Variants in SLC38A10 observed in about 807,000 individuals in gnomAD.
SLC38A10 encodes the protein solute carrier family 38 member 10.
In SLC38A10, 53 loss-of-function variants were observed where a neutral mutation model predicts 81.0. The ratio of observed to expected loss-of-function variants is 0.65; its 90% CI spans 0.53 to 0.82. The LOEUF is 0.82. Among genes scored for constraint, SLC38A10 ranks in the 40% least tolerant of loss-of-function variants. SLC38A10 has a pLI of 0.00. For missense variants in SLC38A10, 1,471 were observed against 1,545.0 expected (o/e 0.95, Z 0.80); for synonymous variants, 665 against 655.3 (o/e 1.01, Z -0.23).
At chr17:81,267,226 C>T (rs1329815477) in intron 10 of SLC38A10, among the ~76,000 whole-genome samples, 1 of 152,090 alleles carries the variant, frequency 6.6e-6, no homozygotes, top group East Asian at 1.9e-4. Flanking sequence ...TCATGTCTGA[C>T]GACTAGGGAA....
Position 81,246,524 on chromosome 17 carries a change from G to C in SLC38A10, c.2392C>G (p.Leu798Val). ...PGGRPAPSQD[L>V]NQRSLEHSEG... ...GAGTGCTCCAGGGAGCGCTGGTTAA[G>C]GTCCTGGGATGGAGCAGGGCGGCCC... Residue 798 changes from leucine (L) to valine (V), a missense_variant, in exon 16 of 16, where the codon CTT (leucine) becomes GTT (valine). Leu to Val is a conservative substitution (Grantham distance 32, BLOSUM62 1). This residue lies in a region of SLC38A10 where 751 missense variants were observed against 717.4 expected (regional missense o/e 1.05). Coordinates refer to ENST00000374759, the MANE Select transcript of SLC38A10 (RefSeq NM_001037984.3). 1 of 1,525,016 alleles carries C rather than the reference G, an allele frequency of 6.6e-7. No individual in the cohort carries two copies. Among genetic ancestry groups the C allele is most frequent in the Non-Finnish European group, 8.8e-7 (1 of 1,138,304 alleles). The allele number at this position is 1,525,016 out of a possible 1,614,324, so 94.5% of individuals were successfully genotyped here.
intron 11 of SLC38A10, among the ~76,000 whole-genome samples, chr17:81,258,842 G>A (rs570712044): frequency 3.3e-5 from 5 of 152,312 alleles, no homozygotes; most frequent in African/African-American, 7.2e-5. Context: ...CAGCTCCACC[G>A]GCTGCTTCGG....
At chr17:81,248,590 G>T (rs371885091) in intron 14 of SLC38A10, among the ~76,000 whole-genome samples, 15 of 152,402 alleles carry the variant, frequency 9.8e-5, no homozygotes, top group African/African-American at 3.6e-4. Context: ...AAAAATGATG[G>T]GTTAGGGCTG....
chr17:81,250,418 G>A (rs763197331), intron 14 of SLC38A10, among the ~76,000 whole-genome samples: 3 of 152,262 alleles, frequency 2.0e-5, no homozygotes, highest in African/African-American at 4.8e-5. Flanking sequence ...CCCTCGGACC[G>A]GCTGTCCTGA....
At chr17:81,280,861 C>G (rs1021339852) in intron 5 of SLC38A10, 128 bp from the exon 6 acceptor site, 23 of 1,356,534 alleles carry the variant, frequency 1.7e-5, no homozygotes, top group Non-Finnish European at 2.1e-5. Flanking sequence ...TCCCAGCCCC[C>G]CACCACCCTG....
chr17:81,278,387 A>G (rs1255237694), intron 6 of SLC38A10, among the ~76,000 whole-genome samples: 1 of 152,034 alleles, frequency 6.6e-6, no homozygotes, highest in East Asian at 1.9e-4. Context: ...CCATCTCCAA[A>G]AAAAAGAAAA....
In SLC38A10 at chr17:81,286,262, C is replaced by T. The variant is rs2063266195; in HGVS notation, c.218-1367G>A. On this transcript the variant is annotated intron_variant, in intron 2 of 15. Transcript: ENST00000374759. This position sits in a 1 kb window ranked among gnomAD's most constrained non-coding sequence, Gnocchi z 6.0. Reference sequence around the variant, plus strand: ...GAAGCTGAGTCTCTACAGCATATTCCAAACACGAGCGCACCTTGCCCAAGA... The same window carrying T: ...GAAGCTGAGTCTCTACAGCATATTCTAAACACGAGCGCACCTTGCCCAAGA... Among the ~76,000 whole-genome samples the T allele has an allele frequency of 6.6e-6, 1 of 152,218 alleles. No individual in the cohort carries two copies. Among genetic ancestry groups the T allele is most frequent in the Admixed American group, 6.5e-5 (1 of 15,286 alleles).
chr17:81,245,260 T>G lies in SLC38A10; in HGVS notation c.*296A>C, dbSNP rs1598372512. The stretch of plus-strand genomic sequence containing the variant: ...CAGCTCCCCAGCCTGAGCCTGGGAG[T>G]GCACCAGCCAGCTCGCAGCGGAGGC... On this transcript the variant is annotated 3_prime_UTR_variant, in exon 16 of 16. Transcript: ENST00000374759. 5.9e-6 allele frequency: 2 copies of G among 336,136 alleles called. No homozygotes were observed. The highest frequency in any genetic ancestry group is 6.3e-5 in the South Asian group (1 of 15,908). The allele number at this position is 336,136 out of a possible 1,614,324, so 20.8% of individuals were successfully genotyped here. A position where few individuals can be genotyped will look rare whatever the true frequency, so the allele number is the denominator to read the frequency against.
intron 6 of SLC38A10, among the ~76,000 whole-genome samples, chr17:81,279,293 A>G (rs1467936576): frequency 6.6e-6 from 1 of 152,250 alleles, no homozygotes; most frequent in Non-Finnish European, 1.5e-5. Flanking sequence ...AAACGGCCAG[A>G]TAGTGAAGGC....
chr17:81,251,470 C>A (rs775997162), intron 14 of SLC38A10, 23 bp downstream of exon 14: 20 of 1,606,286 alleles, frequency 1.2e-5, no homozygotes, highest in Non-Finnish European at 1.7e-5. Context: ...CTGAGGCAGG[C>A]GGCTGTAGGG....
Position 81,245,492 on chromosome 17 carries a change from T to C in SLC38A10, c.*64A>G. The C allele has an allele frequency of 1.3e-6, 2 of 1,518,778 alleles. No individual in the cohort carries two copies. Among genetic ancestry groups the C allele is most frequent in the Admixed American group, 4.1e-5 (2 of 48,414 alleles). 94.1% of individuals were successfully genotyped at this position (1,518,778 alleles called of 1,614,324 possible). A position where few individuals can be genotyped will look rare whatever the true frequency, so the allele number is the denominator to read the frequency against. The stretch of plus-strand genomic sequence containing the variant: ...CTCCAGAGTTTGGCTGGGATGCGGC[T>C]GAGACAGACCTGCTGCTGGCCGAGG... On this transcript the variant is annotated 3_prime_UTR_variant, in exon 16 of 16. Coordinates refer to ENST00000374759, the MANE Select transcript of SLC38A10 (RefSeq NM_001037984.3).
At position 81,276,237 on chromosome 17, in the gene SLC38A10, C is replaced by T; in HGVS notation, c.730-86G>A. 2 of 1,284,506 alleles carry T rather than the reference C, an allele frequency of 1.6e-6. No individual in the cohort carries two copies. Among genetic ancestry groups the T allele is most frequent in the Non-Finnish European group, 2.1e-6 (2 of 950,884 alleles). The allele number at this position is 1,284,506 out of a possible 1,614,324, so 79.6% of individuals were successfully genotyped here. A position where few individuals can be genotyped will look rare whatever the true frequency, so the allele number is the denominator to read the frequency against. On this transcript the variant is annotated intron_variant, in intron 7 of 15. Transcript: ENST00000374759. The surrounding 1 kb of genome is among the most constrained non-coding windows in gnomAD (Gnocchi z 4.7). Reference sequence around the variant, plus strand: ...CACAGTGGGCAGGGCATGGGGGGGACCTGTGCCCTGCCCCCCAGAATGGCC... The same window carrying T: ...CACAGTGGGCAGGGCATGGGGGGGATCTGTGCCCTGCCCCCCAGAATGGCC...
intron 14 of SLC38A10, chr17:81,247,331 G>A (rs1299053524): frequency 1.1e-5 from 4 of 348,410 alleles, no homozygotes; most frequent in East Asian, 8.9e-5. Context: ...CAGCCACTGT[G>A]CCGCATCAGT....
chr17:81,249,530 G>A (rs1324925346), intron 14 of SLC38A10, among the ~76,000 whole-genome samples: 1 of 37,506 alleles, frequency 2.7e-5, no homozygotes, highest in Non-Finnish European at 5.5e-5. Flanking sequence ...GAGGGAGGAA[G>A]GAAGAGGAAG....
In SLC38A10 at chr17:81,276,067, T is replaced by A. The variant is rs1039853112; in HGVS notation, c.814A>T (p.Met272Leu). The A allele has an allele frequency of 6.2e-7, 1 of 1,613,922 alleles. No individual in the cohort carries two copies. The highest frequency in any genetic ancestry group is 1.7e-5 in the Admixed American group (1 of 60,028). Residue 272 changes from methionine to leucine, a missense_variant, in exon 8 of 16, where the codon ATG becomes TTG. Coordinates refer to ENST00000374759, the MANE Select transcript of SLC38A10 (RefSeq NM_001037984.3). This position sits in a 1 kb window ranked among gnomAD's most constrained non-coding sequence, Gnocchi z 4.7. ...MHFPSNLVTEMLRVGFMMSVA... is the reference protein window; with the variant it reads ...MHFPSNLVTELLRVGFMMSVA... ...GACATCATGAAGCCCACACGGAGCA[T>A]CTCCGTCACCAGGTTGGAGGGAAAG...
chr17:81,277,189 C>T lies in SLC38A10; in HGVS notation c.627-56G>A. On this transcript the variant is annotated intron_variant, in intron 6 of 15. Transcript: ENST00000374759. This position sits in a 1 kb window ranked among gnomAD's most constrained non-coding sequence, Gnocchi z 4.5. Reference sequence around the variant, plus strand: ...CCTGAGAGAGGCACGCCCTCCCCAGCGGCTCCACTTCTAGGACCTCTCTGC... The same window carrying T: ...CCTGAGAGAGGCACGCCCTCCCCAGTGGCTCCACTTCTAGGACCTCTCTGC... The T allele has an allele frequency of 3.4e-5, 51 of 1,517,832 alleles. No homozygotes were observed. Among genetic ancestry groups the T allele is most frequent in the South Asian group, 1.4e-4 (12 of 88,252 alleles). 94.0% of individuals were successfully genotyped at this position (1,517,832 alleles called of 1,614,324 possible). A position where few individuals can be genotyped will look rare whatever the true frequency, so the allele number is the denominator to read the frequency against.
rs773885876 is a variant in SLC38A10 at position 81,289,648 on chromosome 17, C to G, written c.217+43G>C. On this transcript the variant is annotated intron_variant, in intron 2 of 15. Coordinates refer to ENST00000374759, the MANE Select transcript of SLC38A10 (RefSeq NM_001037984.3). The surrounding 1 kb of genome is among the most constrained non-coding windows in gnomAD (Gnocchi z 5.9). ...ATAAATAAATAAATGGAATAAGGCCCCCGCCCCAGGTCCAGAGCCACCTTG... is the reference window on the plus strand; with the variant it reads ...ATAAATAAATAAATGGAATAAGGCCGCCGCCCCAGGTCCAGAGCCACCTTG... 1.6e-5 allele frequency: 22 copies of G among 1,387,994 alleles called. No individual in the cohort carries two copies. Among genetic ancestry groups the G allele is most frequent in the Non-Finnish European group, 2.2e-5 (22 of 1,017,054 alleles). 86.0% of individuals were successfully genotyped at this position (1,387,994 alleles called of 1,614,324 possible).
chr17:81,280,556 A>T, intron 6 of SLC38A10, 53 bp downstream of exon 6: 2 of 1,601,804 alleles, frequency 1.2e-6, no homozygotes, highest in Non-Finnish European at 1.7e-6. Context: ...GTCTCCCAGC[A>T]GCTCGCCCTC....
intron 14 of SLC38A10, among the ~76,000 whole-genome samples, chr17:81,248,147 TG>T (rs2062872016): frequency 1.3e-5 from 2 of 151,988 alleles, no homozygotes; most frequent in Non-Finnish European, 2.9e-5. Flanking sequence ...TTAGTAGAGA[TG>T]GGGTTTCACC....
Sources: gnomAD v4.1 joint callset for allele counts (sites outside exome capture counted in the v4.1 genomes callset) on GRCh38, gnomAD v4.1.1 for gene constraint, gnomAD v4.1.1 regional missense constraint, Gnocchi (gnomAD v3.1) non-coding constraint, MANE v1.5 for transcripts, NCBI Gene and HGNC (gene_info 2026-07-23, HGNC 2026-07-21) for gene names.